NKAIN3: variants seen among roughly 807,000 people sequenced by gnomAD.
NKAIN3 encodes sodium/potassium-transporting ATPase subunit beta-1-interacting protein 3.
NKAIN3 carries 25 observed loss-of-function variants against 30.2 expected under a neutral mutation model. The ratio of observed to expected loss-of-function variants is 0.83; its 90% confidence interval spans 0.60 to 1.16. NKAIN3 has a LOEUF of 1.16. Among genes scored for constraint, NKAIN3 ranks in the 50% most tolerant of loss-of-function variants. The pLI is 0.00. For missense variants in NKAIN3, 225 were observed against 254.1 expected, an observed-to-expected ratio of 0.89 and a Z score of 0.78; for synonymous variants, 91 against 89.6, an observed-to-expected ratio of 1.02 and a Z score of -0.09.
intron 1 of NKAIN3, among the ~76,000 whole-genome samples, chr8:62,401,634 C>CT (rs1803876355): frequency 6.6e-6 from 1 of 152,170 alleles, no homozygotes; most frequent in Admixed American, 6.5e-5. Flanking sequence ...GCAGGCATAT[C>CT]TGCATTAGGA....
intron 1 of NKAIN3, among the ~76,000 whole-genome samples, chr8:62,249,600 T>A (rs1009613024): frequency 1.3e-5 from 2 of 152,214 alleles, no homozygotes; most frequent in African/African-American, 4.8e-5. Flanking sequence ...GCCTCAACTC[T>A]GTTAGTGAAG....
At chr8:62,457,740 T>C (rs1255593164) in intron 1 of NKAIN3, among the ~76,000 whole-genome samples, 1 of 152,208 alleles carries the variant, frequency 6.6e-6, no homozygotes, top group Non-Finnish European at 1.5e-5. Flanking sequence ...TAATTCCTAT[T>C]ATATTTTTAG....
At chr8:62,250,892 C>T (rs549098469) in intron 1 of NKAIN3, among the ~76,000 whole-genome samples, 1 of 152,200 alleles carries the variant, frequency 6.6e-6, no homozygotes, top group African/African-American at 2.4e-5. Context: ...CATAGCACTT[C>T]GCTTTTTCCT....
intron 4 of NKAIN3, among the ~76,000 whole-genome samples, chr8:62,915,233 T>G (rs889376249): frequency 6.6e-5 from 10 of 152,200 alleles, no homozygotes; most frequent in African/African-American, 2.4e-4. Flanking sequence ...AATAAATCAT[T>G]GCACATGGCA....
chr8:62,564,252 T>C (rs1474598934), intron 1 of NKAIN3, among the ~76,000 whole-genome samples: 1 of 152,072 alleles, frequency 6.6e-6, no homozygotes, highest in Non-Finnish European at 1.5e-5. Flanking sequence ...CTCCTCTAAA[T>C]CCCTTTGGCC....
chr8:62,728,885 G>A lies in NKAIN3; in HGVS notation c.274-18047G>A, dbSNP rs373151712. 6.2e-4 allele frequency among the ~76,000 whole-genome samples: 94 copies of A among 150,928 alleles called. 1 individual carries two copies. The South Asian group carries it at 0.016, about 26-fold the overall frequency. ...GGCGCCTATAGTCCCAGCTACTCAG[G>A]AGGCTGAGGCAGGAGAATGGCGTGA... is the stretch of plus-strand genomic sequence containing the variant. On this transcript the variant is annotated intron_variant, in intron 3 of 6. Coordinates refer to ENST00000623646, the MANE Select transcript of NKAIN3 (RefSeq NM_001304533.3).
intron 4 of NKAIN3, among the ~76,000 whole-genome samples, chr8:62,790,673 A>T (rs779305627): frequency 6.6e-6 from 1 of 150,974 alleles, no homozygotes; most frequent in Non-Finnish European, 1.5e-5. Flanking sequence ...CTGTATGTCT[A>T]GTACGTTTCC....
At chr8:62,684,226 G>A (rs1813728403) in intron 3 of NKAIN3, among the ~76,000 whole-genome samples, 1 of 151,962 alleles carries the variant, frequency 6.6e-6, no homozygotes, top group Non-Finnish European at 1.5e-5. Flanking sequence ...TCTCCCCAGT[G>A]TTTTCATTCC....
At chr8:62,919,543 C>T (rs1022454944) in intron 5 of NKAIN3, among the ~76,000 whole-genome samples, 2 of 151,906 alleles carry the variant, frequency 1.3e-5, no homozygotes, top group Admixed American at 6.6e-5. Context: ...CCATGCCCAG[C>T]CTACTTTCAA....
chr8:62,442,736 C>A (rs910931597), intron 1 of NKAIN3, among the ~76,000 whole-genome samples: 15 of 151,764 alleles, frequency 9.9e-5, no homozygotes, highest in Middle Eastern at 3.4e-3. Context: ...CCATAAATTT[C>A]TTGATTGAGC....
intron 3 of NKAIN3, among the ~76,000 whole-genome samples, chr8:62,655,916 C>A (rs1812750007): frequency 6.6e-6 from 1 of 152,140 alleles, no homozygotes; most frequent in Non-Finnish European, 1.5e-5. Flanking sequence ...AAGTTACTAA[C>A]CCTGAAATAC....
chr8:62,638,673 C>A (rs1297774875), intron 3 of NKAIN3, among the ~76,000 whole-genome samples: 2 of 151,922 alleles, frequency 1.3e-5, no homozygotes, highest in East Asian at 3.9e-4. Context: ...TTTTTCAACA[C>A]TACCCCAATT....
chr8:62,284,464 G>A (rs1224571866), intron 1 of NKAIN3, among the ~76,000 whole-genome samples: 5 of 151,748 alleles, frequency 3.3e-5, no homozygotes, highest in African/African-American at 4.8e-5. Context: ...CCATCTCTAC[G>A]AAAAATACAA....
At chr8:62,465,557 C>G (rs1806136655) in intron 1 of NKAIN3, among the ~76,000 whole-genome samples, 2 of 152,264 alleles carry the variant, frequency 1.3e-5, no homozygotes, top group South Asian at 4.1e-4. Context: ...AGTCATTTTC[C>G]TATATTAATT....
At chr8:62,492,472 C>T (rs1213806282) in intron 1 of NKAIN3, among the ~76,000 whole-genome samples, 1 of 152,054 alleles carries the variant, frequency 6.6e-6, no homozygotes, top group African/African-American at 2.4e-5. Flanking sequence ...TGCCTATGTC[C>T]TACCTTATTG....
At chr8:62,402,854 A>T (rs2129595374) in intron 1 of NKAIN3, among the ~76,000 whole-genome samples, 1 of 152,312 alleles carries the variant, frequency 6.6e-6, no homozygotes. Context: ...GCAACTTTGG[A>T]ACTGGGTAAC....
At chr8:62,307,930 G>T (rs896719869) in intron 1 of NKAIN3, among the ~76,000 whole-genome samples, 4 of 150,340 alleles carry the variant, frequency 2.7e-5, no homozygotes, top group Non-Finnish European at 5.9e-5. Flanking sequence ...TTGTGGGGAA[G>T]ATGGACTCAG....
chr8:62,752,402 C>T (rs149877165), intron 4 of NKAIN3, among the ~76,000 whole-genome samples: 2 of 152,310 alleles, frequency 1.3e-5, no homozygotes, highest in Admixed American at 1.3e-4. Context: ...TAATCCCACA[C>T]CAGACAACTG....
rs576054949 is a variant in NKAIN3 at position 62,302,594 on chromosome 8, GATTCTTGATAGTGA to G, written c.54+53473_54+53486del. Among the ~76,000 whole-genome samples the G allele has an allele frequency of 3.9e-4, 60 of 152,088 alleles. No individual in the cohort carries two copies. The East Asian group carries it at 8.7e-3, about 22-fold the overall frequency. On this transcript the variant is annotated intron_variant, in intron 1 of 6. Coordinates refer to ENST00000623646, the MANE Select transcript of NKAIN3 (RefSeq NM_001304533.3). ...ATGAGGGATGTCAATATACTTGTTGGATTCTTGATAGTGAATTCTGGCTTTTCTTGTAGTGCCAG... is the reference window on the plus strand; with the variant it reads ...ATGAGGGATGTCAATATACTTGTTGGATTCTGGCTTTTCTTGTAGTGCCAG...
Sources: allele counts gnomAD v4.1 joint callset (sites outside exome capture counted in the v4.1 genomes callset), GRCh38; gene constraint gnomAD v4.1.1; transcripts MANE v1.5; gene names NCBI Gene and HGNC (gene_info 2026-07-23, HGNC 2026-07-21).